The following FAR2 variants were observed in gnomAD, a reference collection of about 807,000 sequenced individuals.
FAR2 encodes the protein epididymis secretory protein Li 81.
A neutral mutation model predicts 56.0 loss-of-function variants in FAR2; 19 were observed. That is an observed-to-expected ratio of 0.34 (90% CI 0.24 to 0.50). The LOEUF is 0.50. Ranked by LOEUF, FAR2 falls within the 20% of genes least tolerant of loss-of-function variation. The probability of loss-of-function intolerance (pLI) is 0.98; values close to 1 mark genes in which losing one functional copy is unlikely to be tolerated. For missense variants in FAR2, 508 were observed against 642.2 expected (o/e 0.79, Z 2.26); for synonymous variants, 219 against 218.8 (o/e 1.00, Z -0.01).
At chr12:29,297,730 C>A (rs1226898614) in intron 4 of FAR2, among the ~76,000 whole-genome samples, 2 of 152,218 alleles carry the variant, frequency 1.3e-5, no homozygotes, top group East Asian at 3.9e-4. Context: ...TGTTTAACAG[C>A]ACTTAATCAA....
chr12:29,169,820 C>T (rs1018492712), intron 1 of FAR2, among the ~76,000 whole-genome samples: 4 of 152,134 alleles, frequency 2.6e-5, no homozygotes, highest in Non-Finnish European at 5.9e-5. Context: ...AGTAGATATA[C>T]CTGCTATTCT....
At chr12:29,308,388 G>A (rs1400535244) in intron 5 of FAR2, among the ~76,000 whole-genome samples, 3 of 151,948 alleles carry the variant, frequency 2.0e-5, no homozygotes, top group Non-Finnish European at 4.4e-5. Context: ...TTTTTGAGTT[G>A]TCCCTTCCAT....
intron 1 of FAR2, among the ~76,000 whole-genome samples, chr12:29,189,653 T>C (rs572867965): frequency 6.6e-5 from 10 of 152,340 alleles, no homozygotes; most frequent in Non-Finnish European, 1.3e-4. Flanking sequence ...CACATATCTA[T>C]AAATATTTAT....
At chr12:29,152,058 G>A (rs1444015780) in intron 1 of FAR2, among the ~76,000 whole-genome samples, 1 of 152,132 alleles carries the variant, frequency 6.6e-6, no homozygotes, top group Non-Finnish European at 1.5e-5. Context: ...AGTATTCAGT[G>A]TGTTAAATAC....
intron 4 of FAR2, among the ~76,000 whole-genome samples, chr12:29,302,238 A>G (rs1949184236): frequency 4.7e-5 from 1 of 21,478 alleles, no homozygotes; most frequent in South Asian, 1.4e-3. Flanking sequence ...TCTCAAAGGA[A>G]AAAAAAAAAA....
At chr12:29,189,275 A>G (rs963179294) in intron 1 of FAR2, among the ~76,000 whole-genome samples, 1 of 152,234 alleles carries the variant, frequency 6.6e-6, no homozygotes, top group African/African-American at 2.4e-5. Flanking sequence ...TAATTATATC[A>G]TACTTTGTGT....
chr12:29,255,882 T>C (rs1464752162), intron 1 of FAR2, among the ~76,000 whole-genome samples: 1 of 152,188 alleles, frequency 6.6e-6, no homozygotes. Flanking sequence ...ATTTATTTCT[T>C]TTTTTGAGAT....
In FAR2 at chr12:29,270,615, G is replaced by T. The variant is rs751436028; in HGVS notation, c.166G>T (p.Val56Phe). ...PKAGQTLQQR[V>F]FQILDSKLFE... ...GGCTGGCCAGACACTGCAGCAGAGGGTTTTCCAGATCCTAGACAGTAAGGT... is the reference window on the plus strand; with the variant it reads ...GGCTGGCCAGACACTGCAGCAGAGGTTTTTCCAGATCCTAGACAGTAAGGT... The change falls in exon 2 of 12, where the codon GTT becomes TTT. Residue 56 changes from valine to phenylalanine, a missense_variant. Val to Phe is a conservative substitution (Grantham distance 50). Coordinates refer to ENST00000536681, the MANE Select transcript of FAR2 (RefSeq NM_001271783.2). 1 of 1,613,216 alleles carries T rather than the reference G, an allele frequency of 6.2e-7. No individual in the cohort carries two copies. Among genetic ancestry groups the T allele is most frequent in the East Asian group, 2.2e-5 (1 of 44,848 alleles).
intron 10 of FAR2, among the ~76,000 whole-genome samples, chr12:29,326,573 C>T (rs969577666): frequency 1.1e-4 from 17 of 152,234 alleles, no homozygotes; most frequent in Admixed American, 1.0e-3. Flanking sequence ...TGGGCTTCAT[C>T]CCTGGGATGC....
chr12:29,241,523 C>T (rs1948035044), intron 1 of FAR2, among the ~76,000 whole-genome samples: 1 of 152,108 alleles, frequency 6.6e-6, no homozygotes, highest in Non-Finnish European at 1.5e-5. Context: ...CCTCTCCTTC[C>T]TCTTATCTCT....
intron 2 of FAR2, among the ~76,000 whole-genome samples, chr12:29,284,385 G>A (rs1213830531): frequency 6.6e-6 from 1 of 152,180 alleles, no homozygotes. Context: ...TTTAGAGAGG[G>A]ACTATCTTGA....
At chr12:29,241,199 T>C (rs1948028896) in intron 1 of FAR2, among the ~76,000 whole-genome samples, 1 of 152,234 alleles carries the variant, frequency 6.6e-6, no homozygotes, top group African/African-American at 2.4e-5. Flanking sequence ...ATAATGTATG[T>C]GTGTGTACAA....
intron 1 of FAR2, among the ~76,000 whole-genome samples, chr12:29,153,259 T>G (rs1306661965): frequency 6.6e-6 from 1 of 152,202 alleles, no homozygotes; most frequent in Admixed American, 6.5e-5. Flanking sequence ...GACTCCGTTT[T>G]GGTGTTCTGA....
chr12:29,292,377 G>A (rs1052797392), intron 2 of FAR2: 2 of 152,068 alleles, frequency 1.3e-5, no homozygotes, highest in Non-Finnish European at 1.5e-5. Context: ...CTCAAAAAGA[G>A]TCTTCTCCAA....
At chr12:29,291,532 T>C (rs1948967585) in intron 2 of FAR2, 2 of 444,372 alleles carry the variant, frequency 4.5e-6, no homozygotes, top group South Asian at 3.2e-5. Context: ...ATTCTCATCA[T>C]TTGCATGCCT....
At chr12:29,295,290 T>A (rs1591939349) in intron 3 of FAR2, among the ~76,000 whole-genome samples, 1 of 152,272 alleles carries the variant, frequency 6.6e-6, no homozygotes, top group East Asian at 1.9e-4. Flanking sequence ...GCCAGGCTGG[T>A]CTTGAACTCC....
chr12:29,158,709 C>T (rs1949752858), intron 1 of FAR2, among the ~76,000 whole-genome samples: 1 of 152,232 alleles, frequency 6.6e-6, no homozygotes, highest in Admixed American at 6.5e-5. Flanking sequence ...ACATATCACA[C>T]CATCTTGTCT....
chr12:29,311,167 T>C (rs371610335), intron 7 of FAR2, 21 bp downstream of exon 7: 284 of 1,528,866 alleles, frequency 1.9e-4, no homozygotes, highest in Non-Finnish European at 2.5e-4. Flanking sequence ...TCAAGTGGGC[T>C]TTCAAAGACT....
intron 1 of FAR2, among the ~76,000 whole-genome samples, chr12:29,179,695 G>A (rs553809703): frequency 6.6e-6 from 1 of 152,124 alleles, no homozygotes; most frequent in Admixed American, 6.5e-5. Context: ...TATGATGAGT[G>A]GAAAAACTGA....
Sources: allele counts gnomAD v4.1 joint callset (sites outside exome capture counted in the v4.1 genomes callset), GRCh38; gene constraint gnomAD v4.1.1; transcripts MANE v1.5; gene names NCBI Gene and HGNC (gene_info 2026-07-23, HGNC 2026-07-21).